ELOVL2: variants seen among roughly 807,000 people sequenced by gnomAD.
The protein encoded by ELOVL2 is very long chain fatty acid elongase 2.
A neutral mutation model predicts 37.7 loss-of-function variants in ELOVL2; 38 were observed. The ratio of observed to expected loss-of-function variants is 1.01; its 90% CI spans 0.78 to 1.32. ELOVL2 has a LOEUF of 1.32. ELOVL2 is among the 40% of genes most tolerant of loss of function. The pLI is 0.00. For synonymous variants in ELOVL2, 115 were observed against 122.3 expected, an observed-to-expected ratio of 0.94 and a Z score of 0.40; for missense variants, 352 against 363.6, an observed-to-expected ratio of 0.97 and a Z score of 0.26.
At chr6:10,986,287 C>T (rs1375298250) in intron 7 of ELOVL2, among the ~76,000 whole-genome samples, 2 of 152,138 alleles carry the variant, frequency 1.3e-5, no homozygotes, top group Non-Finnish European at 2.9e-5. Flanking sequence ...AATCATGTCA[C>T]CTGCAAACAG....
At chr6:10,990,561 C>T (rs1012121313) in intron 5 of ELOVL2, 119 bp from the exon 6 acceptor site, 19 of 942,994 alleles carry the variant, frequency 2.0e-5, no homozygotes, top group Non-Finnish European at 2.2e-5. Context: ...ATGACATGAT[C>T]ATATAACAAA....
At chr6:10,995,446 G>A (rs1184767798) in intron 4 of ELOVL2, among the ~76,000 whole-genome samples, 2 of 152,158 alleles carry the variant, frequency 1.3e-5, no homozygotes, top group Non-Finnish European at 2.9e-5. Context: ...CATGACTCCT[G>A]GCTTGAACCC....
chr6:11,044,022 C>T lies in ELOVL2; in HGVS notation c.3+206G>A, dbSNP rs562585041. Among the ~76,000 whole-genome samples, 3 of 151,542 alleles carry T rather than the reference C, an allele frequency of 2.0e-5. No individual in the cohort carries two copies. Among genetic ancestry groups the T allele is most frequent in the Admixed American group, 6.6e-5 (1 of 15,266 alleles). ...CAAAGTTCCCGAGACCCGCGGGCCT[C>T]GGGCCGACCCGCGCGCCCCCGGCCC... On this transcript the variant is annotated intron_variant, in intron 1 of 7. Transcript: ENST00000354666. This position sits in a 1 kb window ranked among gnomAD's most constrained non-coding sequence, Gnocchi z 5.6.
intron 1 of ELOVL2, among the ~76,000 whole-genome samples, chr6:11,011,500 AC>A (rs1782583459): frequency 6.6e-6 from 1 of 152,234 alleles, no homozygotes; most frequent in Non-Finnish European, 1.5e-5. Flanking sequence ...GCAATAGAGA[AC>A]ATCTGTTTCC....
intron 1 of ELOVL2, among the ~76,000 whole-genome samples, chr6:11,020,598 G>A (rs899451324): frequency 3.3e-5 from 5 of 152,144 alleles, no homozygotes; most frequent in Admixed American, 3.3e-4. Context: ...TGCTTTATCT[G>A]CTAACATACC....
At chr6:10,985,746 T>C (rs1056512743) in intron 7 of ELOVL2, among the ~76,000 whole-genome samples, 7 of 152,148 alleles carry the variant, frequency 4.6e-5, no homozygotes, top group Admixed American at 4.6e-4. Context: ...TTTTGGTTAC[T>C]GTAGCCTTGT....
intron 1 of ELOVL2, among the ~76,000 whole-genome samples, chr6:11,018,694 A>T (rs1561724199): frequency 6.6e-6 from 1 of 152,162 alleles, no homozygotes; most frequent in Admixed American, 6.5e-5. Flanking sequence ...CAACAATGAG[A>T]CCATGCACAG....
At chr6:11,033,087 GC>G (rs1222601625) in intron 1 of ELOVL2, among the ~76,000 whole-genome samples, 3 of 152,014 alleles carry the variant, frequency 2.0e-5, no homozygotes, top group African/African-American at 7.2e-5. Context: ...CTTCATTCCA[GC>G]CAGGCTGGTC....
At chr6:11,004,082 C>CA (rs796099767) in intron 3 of ELOVL2, among the ~76,000 whole-genome samples, 8,585 of 131,604 alleles carry the variant, frequency 0.065, 713 homozygotes, top group African/African-American at 0.2. Flanking sequence ...GACTCTGCCT[C>CA]AAAAAAAAAA....
chr6:11,005,683 G>A, intron 2 of ELOVL2, 124 bp from the exon 3 acceptor site: 1 of 779,450 alleles, frequency 1.3e-6, no homozygotes, highest in Non-Finnish European at 2.0e-6. Context: ...ACAACATTAG[G>A]TAGGCTGGCC....
chr6:10,980,805 T>A lies in ELOVL2; in HGVS notation c.*2976A>T, dbSNP rs111992548. The A allele has an allele frequency of 6.6e-6, 1 of 152,660 alleles. No individual in the cohort carries two copies. The highest frequency in any genetic ancestry group is 1.5e-5 in the Non-Finnish European group (1 of 68,044). 9.5% of individuals were successfully genotyped at this position (152,660 alleles called of 1,614,324 possible). On this transcript the variant is annotated 3_prime_UTR_variant, in exon 8 of 8. Coordinates refer to ENST00000354666, the MANE Select transcript of ELOVL2 (RefSeq NM_017770.4). ...TTATACAACAATCATAGATAATGCT[T>A]TTTATCTACAAAGAGAAATGGCTTC... is the stretch of plus-strand genomic sequence containing the variant.
intron 1 of ELOVL2, among the ~76,000 whole-genome samples, chr6:11,022,561 G>A (rs2113543106): frequency 6.6e-6 from 1 of 152,268 alleles, no homozygotes; most frequent in South Asian, 2.1e-4. Flanking sequence ...GTGAGGAGCT[G>A]GGGAAAGAAC....
At chr6:10,994,155 CCT>C (rs1782220857) in intron 5 of ELOVL2, among the ~76,000 whole-genome samples, 1 of 146,066 alleles carries the variant, frequency 6.8e-6, no homozygotes, top group Admixed American at 6.8e-5. Context: ...AGAATGAGAC[CCT>C]GTCTTAAAAA....
At chr6:11,010,623 AG>A in intron 2 of ELOVL2, 122 bp downstream of exon 2, 1 of 793,414 alleles carries the variant, frequency 1.3e-6, no homozygotes. Flanking sequence ...GAGGAAGTTA[AG>A]TTTCTAAATA....
chr6:11,013,348 G>A (rs1379471299), intron 1 of ELOVL2, among the ~76,000 whole-genome samples: 1 of 152,186 alleles, frequency 6.6e-6, no homozygotes, highest in Non-Finnish European at 1.5e-5. Flanking sequence ...AGCACAGAGA[G>A]GTCTGCAGTG....
At chr6:10,998,036 G>A (rs926683884) in intron 4 of ELOVL2, among the ~76,000 whole-genome samples, 3 of 152,172 alleles carry the variant, frequency 2.0e-5, no homozygotes, top group African/African-American at 7.2e-5. Context: ...TGCCCCTCCT[G>A]TGGTGAGTTA....
intron 6 of ELOVL2, 96 bp from the exon 7 acceptor site, chr6:10,989,933 G>A (rs537118705): frequency 7.1e-7 from 1 of 1,411,068 alleles, no homozygotes; most frequent in Non-Finnish European, 9.7e-7. Context: ...CAACTCCTAG[G>A]ACTCTTGGAA....
At chr6:11,003,434 T>C (rs961346494) in intron 3 of ELOVL2, among the ~76,000 whole-genome samples, 18 of 152,238 alleles carry the variant, frequency 1.2e-4, no homozygotes, top group Admixed American at 3.3e-4. Flanking sequence ...GTTAGTTTGC[T>C]GAGAATGATG....
In ELOVL2 at chr6:11,010,696, G is replaced by T. The variant is rs1397204190; in HGVS notation, c.67+50C>A. ...CATAATCCCTTTCTATAACTAAATG[G>T]TGTTCTTCCTGTGTTCCTTCCACAT... On this transcript the variant is annotated intron_variant, in intron 2 of 7. Transcript: ENST00000354666. 4 of 1,356,102 alleles carry T rather than the reference G, an allele frequency of 2.9e-6. No individual in the cohort carries two copies. In the African/African-American group the frequency reaches 4.3e-5, roughly 15 times the overall value. The allele number at this position is 1,356,102 out of a possible 1,614,324, so 84.0% of individuals were successfully genotyped here.
Sources: allele counts gnomAD v4.1 joint callset (sites outside exome capture counted in the v4.1 genomes callset), GRCh38; gene constraint gnomAD v4.1.1; non-coding constraint Gnocchi (gnomAD v3.1); transcripts MANE v1.5; gene names NCBI Gene and HGNC (gene_info 2026-07-23, HGNC 2026-07-21).